INPP4A: variants seen among roughly 807,000 people sequenced by gnomAD.
INPP4A encodes the protein inositol polyphosphate-4-phosphatase, type I, 107kD.
A neutral mutation model predicts 119.8 loss-of-function variants in INPP4A; 33 were observed. That is an observed-to-expected ratio of 0.28 (90% CI 0.21 to 0.37). The LOEUF (loss-of-function observed/expected upper bound fraction) is 0.37. Ranked by LOEUF, INPP4A falls within the 10% of genes least tolerant of loss-of-function variation. INPP4A has a pLI of 1.00. For missense variants in INPP4A, 956 were observed against 1,289.9 expected (o/e 0.74, Z 3.97); for synonymous variants, 496 against 500.7 (o/e 0.99, Z 0.12).
chr2:98,529,802 A>G (rs531732298), intron 4 of INPP4A, among the ~76,000 whole-genome samples: 2 of 152,324 alleles, frequency 1.3e-5, no homozygotes, highest in South Asian at 2.1e-4. Flanking sequence ...ACTTTATGAT[A>G]TGTGAATCAT....
At chr2:98,502,877 A>G (rs1319561472) in intron 1 of INPP4A, among the ~76,000 whole-genome samples, 1 of 152,132 alleles carries the variant, frequency 6.6e-6, no homozygotes, top group Admixed American at 6.5e-5. Context: ...GAATTACCCA[A>G]GTGGTTTTAG....
intron 1 of INPP4A, among the ~76,000 whole-genome samples, chr2:98,453,269 C>T (rs996553036): frequency 2.6e-5 from 4 of 152,090 alleles, no homozygotes; most frequent in South Asian, 2.1e-4. Flanking sequence ...CTAATTATTG[C>T]GGAAGGAAGG....
chr2:98,470,595 C>T (rs905381300), intron 1 of INPP4A, among the ~76,000 whole-genome samples: 3 of 152,110 alleles, frequency 2.0e-5, no homozygotes, highest in Non-Finnish European at 4.4e-5. Flanking sequence ...TGGTCACTTC[C>T]TTGGTGTGAC....
chr2:98,491,459 T>TC (rs1249191248), intron 1 of INPP4A, among the ~76,000 whole-genome samples: 1 of 152,198 alleles, frequency 6.6e-6, no homozygotes, highest in Non-Finnish European at 1.5e-5. Flanking sequence ...TTTCCAGGCC[T>TC]CCAACCAGGA....
At chr2:98,505,208 G>A (rs990121982) in intron 1 of INPP4A, among the ~76,000 whole-genome samples, 1 of 152,244 alleles carries the variant, frequency 6.6e-6, no homozygotes, top group African/African-American at 2.4e-5. Context: ...GGTTCAGGCA[G>A]CCTCCTGCTG....
intron 1 of INPP4A, among the ~76,000 whole-genome samples, chr2:98,512,942 G>A (rs1027664663): frequency 1.3e-5 from 2 of 152,136 alleles, no homozygotes; most frequent in Non-Finnish European, 2.9e-5. Flanking sequence ...CTTTGAGGCA[G>A]CATTTTTTGT....
At chr2:98,513,989 G>A (rs1008719255) in intron 1 of INPP4A, among the ~76,000 whole-genome samples, 8 of 152,186 alleles carry the variant, frequency 5.3e-5, no homozygotes, top group African/African-American at 1.9e-4. Context: ...GTGTAGACAA[G>A]GTCTGAGTAG....
At chr2:98,484,230 G>A (rs1014281406) in intron 1 of INPP4A, among the ~76,000 whole-genome samples, 3 of 152,040 alleles carry the variant, frequency 2.0e-5, no homozygotes, top group African/African-American at 7.3e-5. Context: ...TTACTGAGCC[G>A]CTAGCCTTCA....
At chr2:98,528,835 T>C (rs1186974790) in intron 4 of INPP4A, among the ~76,000 whole-genome samples, 1 of 152,072 alleles carries the variant, frequency 6.6e-6, no homozygotes, top group African/African-American at 2.4e-5. Flanking sequence ...CCCAGCACTT[T>C]GGGAGGCCGA....
chr2:98,452,240 G>C (rs2104469433), intron 1 of INPP4A, among the ~76,000 whole-genome samples: 1 of 152,316 alleles, frequency 6.6e-6, no homozygotes, highest in East Asian at 1.9e-4. Flanking sequence ...ACATGAGGCT[G>C]TGAGAGTGCT....
At chr2:98,485,932 CTCT>C (rs1021865112) in intron 1 of INPP4A, among the ~76,000 whole-genome samples, 1 of 152,170 alleles carries the variant, frequency 6.6e-6, no homozygotes, top group Non-Finnish European at 1.5e-5. Flanking sequence ...TTTCCAGACA[CTCT>C]TCTTTACTGC....
In INPP4A at chr2:98,461,064, T is replaced by G. The variant is rs115820416; in HGVS notation, c.-166+15979T>G. 4.8e-3 allele frequency among the ~76,000 whole-genome samples: 732 copies of G among 152,170 alleles called. 5 individuals are homozygous for G. Among genetic ancestry groups the G allele is most frequent in the African/African-American group, 0.016 (667 of 41,498 alleles). ...CCATAGCCACGCCCTTCCCGTGACCTCATGGGGTATCTGCACAGTGGGTGC... is the reference window on the plus strand; with the variant it reads ...CCATAGCCACGCCCTTCCCGTGACCGCATGGGGTATCTGCACAGTGGGTGC... On this transcript the variant is annotated intron_variant, in intron 1 of 24. Coordinates refer to ENST00000409851, the MANE Select transcript of INPP4A (RefSeq NM_001134225.2).
intron 22 of INPP4A, among the ~76,000 whole-genome samples, chr2:98,571,297 C>T (rs1197302690): frequency 1.3e-5 from 2 of 152,224 alleles, no homozygotes; most frequent in East Asian, 1.9e-4. Context: ...GGGCAAGTCT[C>T]CCCAGGAGCT....
chr2:98,533,362 G>A lies in INPP4A; in HGVS notation c.152-15G>A, dbSNP rs935705043. On this transcript the variant is annotated splice_polypyrimidine_tract_variant and intron_variant, in intron 4 of 24. Coordinates refer to ENST00000409851, the MANE Select transcript of INPP4A (RefSeq NM_001134225.2). Reference sequence around the variant, plus strand: ...GTTTTAAAGGATTCATTTCTTTCCCGTGTTGATTCTGTAGCTTGCAGTGAG... The same window carrying A: ...GTTTTAAAGGATTCATTTCTTTCCCATGTTGATTCTGTAGCTTGCAGTGAG... The A allele has an allele frequency of 5.9e-6, 9 of 1,538,158 alleles. No homozygotes were observed. Among genetic ancestry groups the A allele is most frequent in the Admixed American group, 3.3e-5 (2 of 59,904 alleles).
At chr2:98,456,055 A>G (rs564466760) in intron 1 of INPP4A, among the ~76,000 whole-genome samples, 2 of 152,188 alleles carry the variant, frequency 1.3e-5, no homozygotes, top group African/African-American at 2.4e-5. Flanking sequence ...TCATTTTCCC[A>G]TTGACTGATG....
intron 17 of INPP4A, among the ~76,000 whole-genome samples, chr2:98,559,722 T>G (rs533789489): frequency 6.6e-6 from 1 of 152,348 alleles, no homozygotes; most frequent in Non-Finnish European, 1.5e-5. Flanking sequence ...TTTGTTTTAC[T>G]CTTACATTCT....
intron 1 of INPP4A, among the ~76,000 whole-genome samples, chr2:98,460,902 C>G (rs925043659): frequency 1.3e-5 from 2 of 152,206 alleles, no homozygotes. Context: ...TGTGCTGAAA[C>G]ACCATGAGGA....
chr2:98,556,404 AG>A (rs1230328874), intron 16 of INPP4A, among the ~76,000 whole-genome samples: 1 of 152,212 alleles, frequency 6.6e-6, no homozygotes, highest in Non-Finnish European at 1.5e-5. Context: ...CCTTCAGGGT[AG>A]GACACTGGCA....
At chr2:98,576,851 G>T in intron 23 of INPP4A, 138 bp from the exon 24 acceptor site, 1 of 1,013,900 alleles carries the variant, frequency 9.9e-7, no homozygotes, top group Non-Finnish European at 1.4e-6. Flanking sequence ...GAACAAAATT[G>T]GAGCGTCTGG....
Sources: gnomAD v4.1 joint callset for allele counts (sites outside exome capture counted in the v4.1 genomes callset) on GRCh38, gnomAD v4.1.1 for gene constraint, MANE v1.5 for transcripts, NCBI Gene and HGNC (gene_info 2026-07-23, HGNC 2026-07-21) for gene names.